Variants in ENTREP2 observed in about 807,000 individuals in gnomAD.
ENTREP2 encodes protein ENTREP2.
the ENTREP2 span, among the ~76,000 whole-genome samples, chr15:29,285,902 A>G: frequency 9.9e-5 from 15 of 152,220 alleles, no homozygotes; most frequent in Non-Finnish European, 1.8e-4. Context: ...TCAAAAACCA[A>G]TCAAGATAAT....
the ENTREP2 span, among the ~76,000 whole-genome samples, chr15:29,167,328 TTAAAC>T: frequency 6.6e-6 from 1 of 151,442 alleles, no homozygotes; most frequent in Non-Finnish European, 1.5e-5. Flanking sequence ...TGGGATCAAA[TTAAAC>T]TAAAGAGGTT....
the ENTREP2 span, among the ~76,000 whole-genome samples, chr15:29,127,642 C>T: frequency 1.2e-4 from 19 of 152,272 alleles, no homozygotes; most frequent in African/African-American, 3.4e-4. Flanking sequence ...GCAGAAGCCT[C>T]GGTGCTGGAA....
the ENTREP2 span, among the ~76,000 whole-genome samples, chr15:29,525,675 T>C: frequency 6.6e-6 from 1 of 152,160 alleles, no homozygotes; most frequent in African/African-American, 2.4e-5. Context: ...CACATAATAT[T>C]CCGCAAAAGA....
chr15:29,218,110 GTC>G, the ENTREP2 span, among the ~76,000 whole-genome samples: 1 of 152,170 alleles, frequency 6.6e-6, no homozygotes, highest in Non-Finnish European at 1.5e-5. Flanking sequence ...CCGTCAATGG[GTC>G]TCTCAGCGTG....
At chr15:29,259,199 G>C in the ENTREP2 span, among the ~76,000 whole-genome samples, 2 of 152,158 alleles carry the variant, frequency 1.3e-5, no homozygotes, top group Non-Finnish European at 2.9e-5. Flanking sequence ...AAATTAGTTT[G>C]GAAAAGTCAC....
the ENTREP2 span, among the ~76,000 whole-genome samples, chr15:29,371,485 T>C: frequency 4.0e-5 from 6 of 151,466 alleles, no homozygotes; most frequent in African/African-American, 7.3e-5. Context: ...TGATATTGAG[T>C]GGGAAAAAAA....
chr15:29,563,090 C>G, the ENTREP2 span, among the ~76,000 whole-genome samples: 4 of 152,190 alleles, frequency 2.6e-5, no homozygotes, highest in African/African-American at 9.7e-5. Flanking sequence ...CACGCCCTGT[C>G]AAGTTTTTCT....
At chr15:29,407,494 A>T in the ENTREP2 span, among the ~76,000 whole-genome samples, 218 of 152,228 alleles carry the variant, frequency 1.4e-3, no homozygotes, top group African/African-American at 5.1e-3. Flanking sequence ...AAGAGAAGAC[A>T]TGGGCTCAAG....
the ENTREP2 span, among the ~76,000 whole-genome samples, chr15:29,149,097 GAACTC>G: frequency 1.3e-5 from 2 of 152,098 alleles, no homozygotes; most frequent in Non-Finnish European, 2.9e-5. Flanking sequence ...GGGTGGTCTT[GAACTC>G]CTGACCTCAG....
At chr15:29,570,661 G>A in the ENTREP2 span, 14 of 1,307,414 alleles carry the variant, frequency 1.1e-5, no homozygotes, top group Non-Finnish European at 1.1e-5. Flanking sequence ...ACTCGCGCAG[G>A]CGGGACAGGC....
the ENTREP2 span, among the ~76,000 whole-genome samples, chr15:29,331,239 G>A: frequency 2.0e-5 from 3 of 152,218 alleles, no homozygotes; most frequent in African/African-American, 4.8e-5. Flanking sequence ...CAGGTGGCAC[G>A]AGGATCAATA....
At chr15:29,225,079 C>T in the ENTREP2 span, among the ~76,000 whole-genome samples, 278 of 152,354 alleles carry the variant, frequency 1.8e-3, 3 homozygotes, top group African/African-American at 6.1e-3. Flanking sequence ...CCAGAACTCA[C>T]GCTGGCCCGC....
chr15:29,250,970 A>G, the ENTREP2 span, among the ~76,000 whole-genome samples: 1 of 152,328 alleles, frequency 6.6e-6, no homozygotes, highest in South Asian at 2.1e-4. Flanking sequence ...TTTGTAACTC[A>G]GTGGGCAGCT....
chr15:29,238,928 T>C, the ENTREP2 span, among the ~76,000 whole-genome samples: 6,016 of 152,128 alleles, frequency 0.04, 434 homozygotes, highest in African/African-American at 0.14. Context: ...CCAGGCCCCA[T>C]CTCCAACACT....
chr15:29,247,903 C>T, the ENTREP2 span, among the ~76,000 whole-genome samples: 1 of 152,206 alleles, frequency 6.6e-6, no homozygotes, highest in South Asian at 2.1e-4. Context: ...TGCAGAACTG[C>T]ACCCTGGCAA....
chr15:29,598,687 T>C, the ENTREP2 span, among the ~76,000 whole-genome samples: 1 of 122,288 alleles, frequency 8.2e-6, no homozygotes, highest in Admixed American at 7.9e-5. Flanking sequence ...AAAATCTTTT[T>C]TTTCTTTCTT....
chr15:29,599,514 A>G, the ENTREP2 span, among the ~76,000 whole-genome samples: 1 of 152,230 alleles, frequency 6.6e-6, no homozygotes, highest in African/African-American at 2.4e-5. Context: ...CAAGTTAGGC[A>G]TCAGGTTCCT....
At chr15:29,249,185 A>G in the ENTREP2 span, among the ~76,000 whole-genome samples, 4 of 152,158 alleles carry the variant, frequency 2.6e-5, no homozygotes, top group African/African-American at 9.7e-5. Flanking sequence ...GCCCATGCCT[A>G]TAGTCCCAGC....
chr15:29,402,044 A>C, the ENTREP2 span, among the ~76,000 whole-genome samples: 77 of 152,228 alleles, frequency 5.1e-4, no homozygotes, highest in African/African-American at 1.8e-3. Context: ...CTGTAATATT[A>C]ACCTTTAATC....
Sources: allele counts gnomAD v4.1 joint callset (sites outside exome capture counted in the v4.1 genomes callset), GRCh38; gene constraint gnomAD v4.1.1; transcripts MANE v1.5; gene names NCBI Gene and HGNC (gene_info 2026-07-23, HGNC 2026-07-21).